The following RPS6KA2 variants were observed in gnomAD, a reference collection of about 807,000 sequenced individuals.
RPS6KA2 encodes ribosomal protein S6 kinase A2, also known as ribosomal protein S6 kinase alpha-2.
A neutral mutation model predicts 91.8 loss-of-function variants in RPS6KA2; 42 were observed. The observed-to-expected ratio is 0.46, with a 90% CI of 0.36 to 0.59. The LOEUF is 0.59. Ranked by LOEUF, RPS6KA2 falls within the 20% of genes least tolerant of loss-of-function variation. RPS6KA2 has a pLI of 0.00. For missense variants in RPS6KA2, 798 were observed against 978.5 expected, an observed-to-expected ratio of 0.82 and a Z score of 2.46; for synonymous variants, 414 against 393.6, an observed-to-expected ratio of 1.05 and a Z score of -0.61.
chr6:166,456,236 G>A (rs1780101757), intron 12 of RPS6KA2, among the ~76,000 whole-genome samples: 1 of 152,246 alleles, frequency 6.6e-6, no homozygotes, highest in Non-Finnish European at 1.5e-5. Flanking sequence ...AGGCCAAGTG[G>A]ATCTTCACCA....
rs1562484382 is a variant in RPS6KA2 at position 166,423,960 on chromosome 6, G to A, written c.1582-543C>T. The A allele has an allele frequency of 6.5e-6, 1 of 152,706 alleles. No homozygotes were observed. Among genetic ancestry groups the A allele is most frequent in the Non-Finnish European group, 1.5e-5 (1 of 68,440 alleles). The allele number at this position is 152,706 out of a possible 1,614,324, so 9.5% of individuals were successfully genotyped here. On this transcript the variant is annotated intron_variant, in intron 16 of 20. Coordinates refer to ENST00000265678, the MANE Select transcript of RPS6KA2 (RefSeq NM_021135.6). The surrounding 1 kb of genome is among the most constrained non-coding windows in gnomAD (Gnocchi z 4.8). The stretch of plus-strand genomic sequence containing the variant: ...GCAATCATGCTCTGAGGCCTCCCAT[G>A]GAGGACTGCGCTGGCTGCAATGATG...
chr6:166,816,506 G>A (rs1457139964), intron 2 of RPS6KA2, among the ~76,000 whole-genome samples: 3 of 150,262 alleles, frequency 2.0e-5, no homozygotes, highest in African/African-American at 7.4e-5. Flanking sequence ...GGTGAGCCGA[G>A]ATCACGCCAC....
intron 2 of RPS6KA2, among the ~76,000 whole-genome samples, chr6:166,782,527 C>A (rs1246126133): frequency 6.6e-6 from 1 of 152,138 alleles, no homozygotes; most frequent in African/African-American, 2.4e-5. Context: ...CAGAAGCCAG[C>A]ACTGAAGCAG....
rs953313984 is a variant in RPS6KA2 at position 166,665,874 on chromosome 6, C to T, written c.124-127090G>A. On this transcript the variant is annotated intron_variant, in intron 2 of 21. Coordinates refer to the RPS6KA2 transcript ENST00000503859. This position sits in a 1 kb window ranked among gnomAD's most constrained non-coding sequence, Gnocchi z 4.5. ...GAAGAAGGTGCAGCTCTGCTCAGCA[C>T]GGCCCCCAGCCTGCTTCCTGGGCAG... 3.9e-5 allele frequency among the ~76,000 whole-genome samples: 6 copies of T among 152,180 alleles called. No individual in the cohort carries two copies. Among genetic ancestry groups the T allele is most frequent in the South Asian group, 2.1e-4 (1 of 4,832 alleles).
intron 2 of RPS6KA2, among the ~76,000 whole-genome samples, chr6:166,647,782 A>G (rs1304147631): frequency 6.6e-6 from 1 of 151,298 alleles, no homozygotes; most frequent in East Asian, 1.9e-4. Context: ...TCATACACAC[A>G]CATGCACATG....
At chr6:166,609,146 T>C (rs1055582871) in intron 1 of RPS6KA2, among the ~76,000 whole-genome samples, 2 of 152,194 alleles carry the variant, frequency 1.3e-5, no homozygotes, top group Non-Finnish European at 2.9e-5. Flanking sequence ...CCTGGATAAA[T>C]GTCTGCACAG....
intron 10 of RPS6KA2, among the ~76,000 whole-genome samples, chr6:166,487,433 A>C (rs1781449324): frequency 6.6e-6 from 1 of 152,176 alleles, no homozygotes; most frequent in South Asian, 2.1e-4. Flanking sequence ...GCTCGGTGAC[A>C]AGGAGGAATT....
At chr6:166,531,531 A>G (rs1008466919) in intron 2 of RPS6KA2, among the ~76,000 whole-genome samples, 1 of 152,252 alleles carries the variant, frequency 6.6e-6, no homozygotes, top group Non-Finnish European at 1.5e-5. Flanking sequence ...TGTATGAAGA[A>G]GCGTCATTTG....
At chr6:166,798,653 T>C (rs1779283905) in intron 2 of RPS6KA2, among the ~76,000 whole-genome samples, 2 of 152,238 alleles carry the variant, frequency 1.3e-5, no homozygotes, top group African/African-American at 4.8e-5. Context: ...GCACATGGCA[T>C]AAGTATTTTT....
intron 1 of RPS6KA2, among the ~76,000 whole-genome samples, chr6:166,579,595 C>A (rs967639698): frequency 1.3e-5 from 2 of 152,184 alleles, no homozygotes; most frequent in South Asian, 2.1e-4. Flanking sequence ...AGATGAACAT[C>A]CTACGTCACC....
At chr6:166,647,594 C>T (rs889800807) in intron 2 of RPS6KA2, among the ~76,000 whole-genome samples, 3 of 152,204 alleles carry the variant, frequency 2.0e-5, no homozygotes, top group African/African-American at 4.8e-5. Context: ...CTTTCCATAC[C>T]GCTCCCTAAC....
intron 1 of RPS6KA2, among the ~76,000 whole-genome samples, chr6:166,618,483 G>A (rs1041378671): frequency 2.6e-5 from 4 of 152,176 alleles, no homozygotes; most frequent in South Asian, 2.1e-4. Flanking sequence ...TTCAGGGAAG[G>A]GAAGATCACT....
At chr6:166,561,178 C>T (rs1021751850) in intron 1 of RPS6KA2, among the ~76,000 whole-genome samples, 4 of 151,926 alleles carry the variant, frequency 2.6e-5, no homozygotes, top group African/African-American at 9.7e-5. Context: ...CCCCTGGAGC[C>T]CTACACACCT....
chr6:166,512,735 C>T (rs370628831), intron 3 of RPS6KA2, among the ~76,000 whole-genome samples: 5 of 152,200 alleles, frequency 3.3e-5, no homozygotes, highest in African/African-American at 9.6e-5. Context: ...ATATACAAAC[C>T]GGATGAGATG....
intron 2 of RPS6KA2, among the ~76,000 whole-genome samples, chr6:166,772,122 G>C (rs1372786434): frequency 1.4e-5 from 2 of 146,236 alleles, no homozygotes; most frequent in East Asian, 1.9e-4. Flanking sequence ...TGTTTGTATT[G>C]TACTGGGCAT....
At chr6:166,813,931 G>A (rs1779699390) in intron 2 of RPS6KA2, among the ~76,000 whole-genome samples, 1 of 152,162 alleles carries the variant, frequency 6.6e-6, no homozygotes, top group Admixed American at 6.5e-5. Context: ...AAGTAGAACT[G>A]TCTTGCACTT....
chr6:166,560,196 A>C (rs1309446477), intron 1 of RPS6KA2, among the ~76,000 whole-genome samples: 1 of 152,220 alleles, frequency 6.6e-6, no homozygotes, highest in East Asian at 1.9e-4. Flanking sequence ...CTGGGCATGC[A>C]TTTCTGGCCC....
intron 10 of RPS6KA2, among the ~76,000 whole-genome samples, chr6:166,473,486 G>A (rs1419960300): frequency 6.6e-6 from 1 of 152,096 alleles, no homozygotes; most frequent in African/African-American, 2.4e-5. Context: ...GCCACTGCAC[G>A]GATGATTTAT....
intron 2 of RPS6KA2, among the ~76,000 whole-genome samples, chr6:166,843,701 C>T (rs1240170369): frequency 6.6e-6 from 1 of 152,160 alleles, no homozygotes; most frequent in Non-Finnish European, 1.5e-5. Context: ...TCAGGAAGCC[C>T]CATCCCTAGG....
Sources: gnomAD v4.1 joint callset for allele counts (sites outside exome capture counted in the v4.1 genomes callset) on GRCh38, gnomAD v4.1.1 for gene constraint, Gnocchi (gnomAD v3.1) non-coding constraint, MANE v1.5 for transcripts, NCBI Gene and HGNC (gene_info 2026-07-23, HGNC 2026-07-21) for gene names.